The following PRDM10 variants were observed in gnomAD, a reference collection of about 807,000 sequenced individuals.
PRDM10 encodes the protein PR/SET domain 10.
A neutral mutation model predicts 133.1 loss-of-function variants in PRDM10; 65 were observed. The observed-to-expected ratio is 0.49, with a 90% CI of 0.40 to 0.60. PRDM10 has a LOEUF of 0.60. Among genes scored for constraint, PRDM10 ranks in the 20% least tolerant of loss-of-function variants. PRDM10 has a pLI of 0.00. For missense variants in PRDM10, 1,137 were observed against 1,507.1 expected, an observed-to-expected ratio of 0.75 and a Z score of 4.07; for synonymous variants, 582 against 580.4, an observed-to-expected ratio of 1.00 and a Z score of -0.04.
chr11:129,948,997 T>G (rs1043193839), intron 4 of PRDM10, among the ~76,000 whole-genome samples: 1 of 152,182 alleles, frequency 6.6e-6, no homozygotes, highest in African/African-American at 2.4e-5. Flanking sequence ...GATTTTGCAT[T>G]TATCTCCAGT....
intron 12 of PRDM10, 72 bp downstream of exon 12, chr11:129,924,810 G>A (rs560755709): frequency 1.7e-5 from 23 of 1,362,208 alleles, no homozygotes; most frequent in Middle Eastern, 3.8e-4. Context: ...AGGCAGTCTC[G>A]GTTTTCCAAA....
chr11:129,935,453 C>T (rs1302022513), intron 8 of PRDM10, among the ~76,000 whole-genome samples: 1 of 152,052 alleles, frequency 6.6e-6, no homozygotes, highest in African/African-American at 2.4e-5. Context: ...GGAACAAGTA[C>T]CCTCACATCA....
intron 12 of PRDM10, among the ~76,000 whole-genome samples, chr11:129,924,359 G>T (rs571629061): frequency 6.6e-6 from 1 of 152,204 alleles, no homozygotes; most frequent in African/African-American, 2.4e-5. Context: ...GAAATCATGA[G>T]TATTCTGAAA....
At chr11:129,911,972 A>G in intron 18 of PRDM10, 113 bp downstream of exon 18, 2 of 1,318,440 alleles carry the variant, frequency 1.5e-6, no homozygotes, top group Non-Finnish European at 2.0e-6. Context: ...TAAAAATCCA[A>G]AAATAACAGT....
Position 129,944,649 on chromosome 11 carries a change from TAGAA to T in PRDM10, c.762+118_762+121del, listed in dbSNP as rs1294249206. The stretch of plus-strand genomic sequence containing the variant: ...GAGTTTCCATTTAACCAAGTTAAGA[TAGAA>T]AGAAGAATACTAGCAAACAACTGCT... On this transcript the variant is annotated intron_variant, in intron 6 of 20. Coordinates refer to ENST00000360871, the MANE Select transcript of PRDM10 (RefSeq NM_199437.2). 8.0e-6 allele frequency: 11 copies of T among 1,383,228 alleles called. No individual in the cohort carries two copies. In the South Asian group the frequency reaches 1.0e-4, roughly 13 times the overall value. The allele number at this position is 1,383,228 out of a possible 1,614,324, so 85.7% of individuals were successfully genotyped here. A position where few individuals can be genotyped will look rare whatever the true frequency, so the allele number is the denominator to read the frequency against.
chr11:129,949,276 C>T (rs964096446), intron 4 of PRDM10, among the ~76,000 whole-genome samples: 1 of 152,216 alleles, frequency 6.6e-6, no homozygotes, highest in African/African-American at 2.4e-5. Context: ...CTCTGAACCT[C>T]AGTTTCTTTG....
At chr11:129,991,367 T>C (rs1388133746) in intron 1 of PRDM10, among the ~76,000 whole-genome samples, 2 of 152,212 alleles carry the variant, frequency 1.3e-5, no homozygotes, top group Non-Finnish European at 2.9e-5. Context: ...AAGTTCAACT[T>C]CAAATTGACA....
At chr11:129,963,452 A>AAGAGAAG (rs766469989) in intron 1 of PRDM10, among the ~76,000 whole-genome samples, 188 of 151,004 alleles carry the variant, frequency 1.2e-3, no homozygotes, top group Admixed American at 2.6e-3. Context: ...AAGAGAAGAG[A>AAGAGAAG]AGAAGTCATA....
chr11:129,969,649 A>G (rs1238568260), intron 1 of PRDM10, among the ~76,000 whole-genome samples: 1 of 151,550 alleles, frequency 6.6e-6, no homozygotes, highest in African/African-American at 2.4e-5. Context: ...CAAAAAAAAA[A>G]AAAAAAAATT....
At chr11:129,943,130 C>T (rs906839755) in intron 6 of PRDM10, among the ~76,000 whole-genome samples, 1 of 152,220 alleles carries the variant, frequency 6.6e-6, no homozygotes, top group Non-Finnish European at 1.5e-5. Context: ...CCCCTTCCCA[C>T]TGCCCTTTCC....
chr11:129,947,360 G>A lies in PRDM10; in HGVS notation c.305C>T (p.Pro102Leu). ...QDATAQQASL[P>L]VHNQVLPSIE... ...GGAAGGCAGCACCTGGTTATGAACTGGCAATGAGGCCTGGGCAAAAGTTGA... is the reference window on the plus strand; with the variant it reads ...GGAAGGCAGCACCTGGTTATGAACTAGCAATGAGGCCTGGGCAAAAGTTGA... The change falls in exon 5 of 21, where the codon CCA becomes CTA. Residue 102 changes from proline (P) to leucine (L), a missense_variant. Transcript: ENST00000360871. This position sits in a 1 kb window ranked among gnomAD's most constrained non-coding sequence, Gnocchi z 4.6. 2 of 1,614,150 alleles carry A rather than the reference G, an allele frequency of 1.2e-6. No homozygotes were observed. The highest frequency in any genetic ancestry group is 1.7e-6 in the Non-Finnish European group (2 of 1,180,028).
At chr11:129,930,502 G>A (rs1478698392) in intron 11 of PRDM10, among the ~76,000 whole-genome samples, 1 of 152,140 alleles carries the variant, frequency 6.6e-6, no homozygotes, top group Non-Finnish European at 1.5e-5. Flanking sequence ...GACAGCTTTG[G>A]CTCAAGCTAT....
chr11:129,942,395 A>G (rs766695889), intron 7 of PRDM10, 31 bp downstream of exon 7: 1 of 1,586,764 alleles, frequency 6.3e-7, no homozygotes, highest in Non-Finnish European at 8.6e-7. Context: ...TCTTGCTAGC[A>G]AATAGCAGCA....
chr11:129,996,697 G>C (rs1939081928), intron 1 of PRDM10, among the ~76,000 whole-genome samples: 1 of 152,210 alleles, frequency 6.6e-6, no homozygotes, highest in African/African-American at 2.4e-5. Flanking sequence ...GGAAACGAAG[G>C]TGTGACAGCA....
intron 11 of PRDM10, chr11:129,929,521 G>GA (rs1950784767): frequency 9.9e-7 from 1 of 1,011,138 alleles, no homozygotes; most frequent in Non-Finnish European, 1.4e-6. Context: ...TAGAAAAGAT[G>GA]AAAAAATACA....
chr11:129,973,055 T>A (rs1226545883), intron 1 of PRDM10, among the ~76,000 whole-genome samples: 1 of 152,190 alleles, frequency 6.6e-6, no homozygotes, highest in Non-Finnish European at 1.5e-5. Context: ...TTCTTTTGTC[T>A]AAGATAAAAG....
chr11:129,947,601 C>G lies in PRDM10; in HGVS notation c.295-231G>C, dbSNP rs905868685. 1.1e-5 allele frequency: 15 copies of G among 1,381,534 alleles called. No individual in the cohort carries two copies. The African/African-American group carries it at 2.0e-4, about 19-fold the overall frequency. The allele number at this position is 1,381,534 out of a possible 1,614,324, so 85.6% of individuals were successfully genotyped here. A position where few individuals can be genotyped will look rare whatever the true frequency, so the allele number is the denominator to read the frequency against. On this transcript the variant is annotated intron_variant, in intron 4 of 20. Coordinates refer to ENST00000360871, the MANE Select transcript of PRDM10 (RefSeq NM_199437.2). The surrounding 1 kb of genome is among the most constrained non-coding windows in gnomAD (Gnocchi z 4.6). ...AGCCTCTGCCCTCCCTCTGCCCCTTCTGTCCCACACCTGGGAGGGCTGCTA... is the reference window on the plus strand; with the variant it reads ...AGCCTCTGCCCTCCCTCTGCCCCTTGTGTCCCACACCTGGGAGGGCTGCTA...
intron 1 of PRDM10, among the ~76,000 whole-genome samples, chr11:129,972,372 G>A (rs764108293): frequency 1.3e-5 from 2 of 152,258 alleles, no homozygotes; most frequent in African/African-American, 2.4e-5. Context: ...CTGCCAGCAC[G>A]CTGTCACCTC....
chr11:129,957,974 C>A (rs777863414), intron 2 of PRDM10, 64 bp from the exon 3 acceptor site: 2 of 1,512,492 alleles, frequency 1.3e-6, no homozygotes, highest in Non-Finnish European at 8.9e-7. Flanking sequence ...AACAAGCACA[C>A]CTGGGTTTCT....
Sources: allele counts gnomAD v4.1 joint callset (sites outside exome capture counted in the v4.1 genomes callset), GRCh38; gene constraint gnomAD v4.1.1; non-coding constraint Gnocchi (gnomAD v3.1); transcripts MANE v1.5; gene names NCBI Gene and HGNC (gene_info 2026-07-23, HGNC 2026-07-21).